The following ANKRD30A variants were observed in gnomAD, a reference collection of about 807,000 sequenced individuals.
ANKRD30A encodes ankyrin repeat domain-containing protein 30A.
A neutral mutation model predicts 166.3 loss-of-function variants in ANKRD30A; 170 were observed. The ratio of observed to expected loss-of-function variants is 1.02; its 90% CI spans 0.90 to 1.16. The LOEUF (loss-of-function observed/expected upper bound fraction) is 1.16. Ranked by LOEUF, ANKRD30A falls within the 50% of genes most tolerant of loss-of-function variation. The pLI is 0.00. For missense variants in ANKRD30A, 1,630 were observed against 1,518.0 expected, an observed-to-expected ratio of 1.07 and a Z score of -1.23; for synonymous variants, 564 against 508.9, an observed-to-expected ratio of 1.11 and a Z score of -1.46.
chr10:37,245,233 T>C, the ANKRD30A span, among the ~76,000 whole-genome samples: 1 of 152,126 alleles, frequency 6.6e-6, no homozygotes, highest in South Asian at 2.1e-4. Flanking sequence ...TATTTTTTCT[T>C]TTTGTTACTT....
chr10:37,155,819 C>T (rs1414405206), intron 13 of ANKRD30A, among the ~76,000 whole-genome samples: 2 of 152,082 alleles, frequency 1.3e-5, no homozygotes. Flanking sequence ...TGGTGGCTCA[C>T]GCCTGTAATT....
At position 37,219,388 on chromosome 10, in the gene ANKRD30A, G is replaced by T. The variant is rs767880599; in HGVS notation, c.3676G>T (p.Ala1226Ser). 6.2e-7 allele frequency: 1 copy of T among 1,610,518 alleles called. No individual in the cohort carries two copies. The highest frequency in any genetic ancestry group is 8.5e-7 in the Non-Finnish European group (1 of 1,177,744). The change falls in exon 34 of 36, where the codon GCA (alanine) becomes TCA (serine). Residue 1226 changes from alanine to serine, a missense_variant. Ala to Ser is a moderately conservative substitution (Grantham distance 99). Around this residue, in one of 4 missense-constraint regions of ANKRD30A, gnomAD observed 712 missense variants for 629.3 expected, o/e 1.13. Coordinates refer to ENST00000361713, the MANE Select transcript of ANKRD30A (RefSeq NM_052997.3). ...RKSQEPAFHI[A>S]GDACLQRKMN... is the part of the protein sequence containing the mutation. ...AAGTCAAGAACCTGCTTTCCACATT[G>T]CAGGAGATGCTTGTTTGCAAAGAAA...
chr10:37,257,023 G>C, the ANKRD30A span, among the ~76,000 whole-genome samples: 1 of 151,994 alleles, frequency 6.6e-6, no homozygotes, highest in Non-Finnish European at 1.5e-5. Flanking sequence ...ATCTGGTCCT[G>C]GGCTTTTTTT....
chr10:37,151,873 T>G (rs1837963994), intron 11 of ANKRD30A, among the ~76,000 whole-genome samples, 187 bp from the exon 12 acceptor site: 1 of 152,132 alleles, frequency 6.6e-6, no homozygotes, highest in African/African-American at 2.4e-5. Context: ...AATGTTAATT[T>G]TCAGACTTTT....
chr10:37,245,658 G>A, the ANKRD30A span, among the ~76,000 whole-genome samples: 1 of 151,752 alleles, frequency 6.6e-6, no homozygotes, highest in Non-Finnish European at 1.5e-5. Context: ...TGGCTTCTGT[G>A]GGTTAGAAGT....
chr10:37,161,360 CTA>C (rs1416882949), intron 15 of ANKRD30A, among the ~76,000 whole-genome samples: 1 of 151,944 alleles, frequency 6.6e-6, no homozygotes. Flanking sequence ...GATACTATCA[CTA>C]AACAAAGAGA....
At position 37,142,062 on chromosome 10, in the gene ANKRD30A, G is replaced by T. The variant is rs552183541; in HGVS notation, c.1165G>T (p.Glu389Ter). 5 of 1,609,002 alleles carry T rather than the reference G, an allele frequency of 3.1e-6. No individual in the cohort carries two copies. Among genetic ancestry groups the T allele is most frequent in the African/African-American group, 1.4e-5 (1 of 73,338 alleles). The change falls in exon 7 of 36, where the codon GAA becomes TAA. Residue 389 changes from glutamate to a stop codon, truncating the protein, a stop_gained. Coordinates refer to ENST00000361713, the MANE Select transcript of ANKRD30A (RefSeq NM_052997.3). LOFTEE classifies it high-confidence loss of function. ...RPRKIAWEKK[E>*]DTPREIMSPA... ...TAGGAAGATCGCATGGGAGAAAAAA[G>T]AAGACACACCTAGGGAAATTATGAG...
intron 25 of ANKRD30A, among the ~76,000 whole-genome samples, chr10:37,190,418 G>A (rs1564537583): frequency 6.6e-6 from 1 of 151,642 alleles, no homozygotes; most frequent in Non-Finnish European, 1.5e-5. Flanking sequence ...TTAATTTTGA[G>A]GATGTTTTTA....
intron 34 of ANKRD30A, among the ~76,000 whole-genome samples, chr10:37,229,518 T>C (rs1280730787): frequency 6.6e-6 from 1 of 152,020 alleles, no homozygotes; most frequent in Non-Finnish European, 1.5e-5. Flanking sequence ...TCCAATCCTC[T>C]CTTCTAGGTT....
chr10:37,234,659 A>G (rs934368938), downstream of ANKRD30A, among the ~76,000 whole-genome samples: 1 of 152,140 alleles, frequency 6.6e-6, no homozygotes, highest in Non-Finnish European at 1.5e-5. Flanking sequence ...TTGAGATAGG[A>G]AGACTCATTT....
At position 37,193,048 on chromosome 10, in the gene ANKRD30A, G is replaced by A. The variant is rs1257390888; in HGVS notation, c.2513-16G>A. On this transcript the variant is annotated splice_polypyrimidine_tract_variant and intron_variant, in intron 25 of 35. Coordinates refer to ENST00000361713, the MANE Select transcript of ANKRD30A (RefSeq NM_052997.3). ...AGCTTGCATACAATAAATTATATAT[G>A]TCCCTTTTCTTTTAGAGTCTCCTGA... The A allele has an allele frequency of 1.9e-6, 3 of 1,607,622 alleles. No homozygotes were observed. The highest frequency in any genetic ancestry group is 2.6e-6 in the Non-Finnish European group (3 of 1,175,904).
At chr10:37,238,163 G>A in the ANKRD30A span, among the ~76,000 whole-genome samples, 1 of 152,012 alleles carries the variant, frequency 6.6e-6, no homozygotes, top group Non-Finnish European at 1.5e-5. Flanking sequence ...TTTTCTCTCT[G>A]AGCATTCACA....
At chr10:37,214,376 GT>G (rs2132728283) in intron 31 of ANKRD30A, among the ~76,000 whole-genome samples, 1 of 151,322 alleles carries the variant, frequency 6.6e-6, no homozygotes, top group Admixed American at 6.6e-5. Flanking sequence ...TTGAGCAGAG[GT>G]TTTTAGACCA....
chr10:37,145,936 T>G (rs1390588926), intron 8 of ANKRD30A, among the ~76,000 whole-genome samples: 1 of 152,290 alleles, frequency 6.6e-6, no homozygotes, highest in East Asian at 1.9e-4. Flanking sequence ...TGAGTAGTAT[T>G]TTAAAAAGTA....
intron 1 of ANKRD30A, among the ~76,000 whole-genome samples, 162 bp from the exon 2 acceptor site, chr10:37,129,731 T>C (rs1836261574): frequency 6.6e-6 from 1 of 150,910 alleles, no homozygotes; most frequent in Admixed American, 6.7e-5. Context: ...ATGTAGTGAG[T>C]AATGAGAGCA....
Position 37,219,853 on chromosome 10 carries a change from A to T in ANKRD30A, c.4141A>T (p.Lys1381Ter), listed in dbSNP as rs774173178. 29 of 1,578,790 alleles carry T rather than the reference A, an allele frequency of 1.8e-5. No homozygotes were observed. Among genetic ancestry groups the T allele is most frequent in the Non-Finnish European group, 2.4e-5 (28 of 1,161,170 alleles). ...GATATTTAATTACAATAACCATTTAAAAAACCGTATATATCAATATGAAAA... is the reference window on the plus strand; with the variant it reads ...GATATTTAATTACAATAACCATTTATAAAACCGTATATATCAATATGAAAA... ...EEIFNYNNHL[K>*]NRIYQYEKEK... The change falls in exon 34 of 36, where the codon AAA (lysine) becomes TAA (stop). Residue 1381 changes from lysine (K) to a stop codon, truncating the protein, a stop_gained. Transcript: ENST00000361713. LOFTEE classifies it high-confidence loss of function.
At chr10:37,162,107 A>C (rs191567217) in intron 15 of ANKRD30A, among the ~76,000 whole-genome samples, 1 of 152,190 alleles carries the variant, frequency 6.6e-6, no homozygotes, top group Non-Finnish European at 1.5e-5. Flanking sequence ...TAGAGGATAC[A>C]GAAATATAGG....
At chr10:37,132,800 C>T (rs919008324) in intron 4 of ANKRD30A, among the ~76,000 whole-genome samples, 3 of 152,114 alleles carry the variant, frequency 2.0e-5, no homozygotes, top group Non-Finnish European at 4.4e-5. Flanking sequence ...GAGTTTGAGA[C>T]CAGCCTAACC....
At chr10:37,223,969 A>G (rs184226854) in intron 34 of ANKRD30A, among the ~76,000 whole-genome samples, 12 of 151,508 alleles carry the variant, frequency 7.9e-5, no homozygotes, top group African/African-American at 2.9e-4. Context: ...AAAAATATTA[A>G]CTATAATTTC....
Sources: allele counts gnomAD v4.1 joint callset (sites outside exome capture counted in the v4.1 genomes callset), GRCh38; gene constraint gnomAD v4.1.1; regional missense constraint gnomAD v4.1.1; transcripts MANE v1.5; gene names NCBI Gene and HGNC (gene_info 2026-07-23, HGNC 2026-07-21).